The following AFG2A variants were observed in gnomAD, a reference collection of about 807,000 sequenced individuals.
AFG2A encodes ATPase family gene 2 protein homolog A.
At chr4:123,082,431 G>A in the AFG2A span, among the ~76,000 whole-genome samples, 1 of 151,868 alleles carries the variant, frequency 6.6e-6, no homozygotes, top group African/African-American at 2.4e-5. Flanking sequence ...CCAAAGATTA[G>A]CCAGCTGTAT....
At chr4:123,082,847 T>C in the AFG2A span, among the ~76,000 whole-genome samples, 2 of 152,120 alleles carry the variant, frequency 1.3e-5, no homozygotes, top group African/African-American at 2.4e-5. Flanking sequence ...TTTTCTTTCA[T>C]TGGTGTTTGT....
chr4:123,258,359 G>T, the AFG2A span, among the ~76,000 whole-genome samples: 77,631 of 151,712 alleles, frequency 0.51, 24,443 homozygotes, highest in Non-Finnish European at 0.67. Context: ...TTTAGGAGAC[G>T]TTAAGTAATG....
the AFG2A span, among the ~76,000 whole-genome samples, chr4:123,229,714 G>GC: frequency 4.6e-5 from 7 of 151,980 alleles, no homozygotes; most frequent in African/African-American, 1.7e-4. Flanking sequence ...TGGAAATATC[G>GC]CAAGTTTTGA....
At chr4:123,133,688 A>G in the AFG2A span, among the ~76,000 whole-genome samples, 2 of 152,134 alleles carry the variant, frequency 1.3e-5, no homozygotes, top group Non-Finnish European at 2.9e-5. Flanking sequence ...TTAAATGGCT[A>G]TACTAATTTA....
the AFG2A span, among the ~76,000 whole-genome samples, chr4:123,089,818 C>A: frequency 6.6e-6 from 1 of 152,184 alleles, no homozygotes; most frequent in Non-Finnish European, 1.5e-5. Flanking sequence ...GAACTCCTGG[C>A]CTCAAGTGAC....
At chr4:123,160,987 A>G in the AFG2A span, among the ~76,000 whole-genome samples, 1 of 152,126 alleles carries the variant, frequency 6.6e-6, no homozygotes, top group African/African-American at 2.4e-5. Flanking sequence ...ATTGTACTAT[A>G]CTCACCGATT....
the AFG2A span, among the ~76,000 whole-genome samples, chr4:123,237,736 G>T: frequency 1.3e-5 from 2 of 150,436 alleles, no homozygotes; most frequent in East Asian, 1.9e-4. Context: ...GAACAGCTCT[G>T]GTCTGCAGCT....
the AFG2A span, among the ~76,000 whole-genome samples, chr4:123,159,254 C>T: frequency 6.7e-6 from 1 of 150,252 alleles, no homozygotes; most frequent in Non-Finnish European, 1.5e-5. Flanking sequence ...AGTTTTTAAT[C>T]TGATATTATG....
At chr4:123,081,802 C>A in the AFG2A span, among the ~76,000 whole-genome samples, 1 of 152,154 alleles carries the variant, frequency 6.6e-6, no homozygotes, top group African/African-American at 2.4e-5. Flanking sequence ...CTTCATCAGC[C>A]TTTGGTGTTG....
the AFG2A span, among the ~76,000 whole-genome samples, chr4:123,310,294 G>A: frequency 6.6e-6 from 1 of 152,190 alleles, no homozygotes; most frequent in Admixed American, 6.5e-5. Context: ...TGGCCCACAT[G>A]ACTTTGAAAA....
At chr4:123,133,002 G>T in the AFG2A span, among the ~76,000 whole-genome samples, 1 of 152,026 alleles carries the variant, frequency 6.6e-6, no homozygotes, top group African/African-American at 2.4e-5. Context: ...GGATGGTCTC[G>T]ATCTCCTGAC....
chr4:122,961,246 T>C, the AFG2A span, among the ~76,000 whole-genome samples: 12 of 152,216 alleles, frequency 7.9e-5, no homozygotes, highest in South Asian at 4.1e-4. Context: ...CTCTGGAAAA[T>C]TGATATTTAA....
chr4:122,967,340 AG>A, the AFG2A span, among the ~76,000 whole-genome samples: 1 of 152,102 alleles, frequency 6.6e-6, no homozygotes, highest in Non-Finnish European at 1.5e-5. Context: ...TTGAGGCTGC[AG>A]TCAGCTATGA....
the AFG2A span, among the ~76,000 whole-genome samples, chr4:123,026,060 C>G: frequency 6.6e-6 from 1 of 151,734 alleles, no homozygotes; most frequent in South Asian, 2.1e-4. Flanking sequence ...TAAGGATTCT[C>G]AGGGCCCTGT....
At chr4:122,947,381 TG>T in the AFG2A span, 3 of 1,614,122 alleles carry the variant, frequency 1.9e-6, no homozygotes, top group Non-Finnish European at 8.5e-7. Flanking sequence ...CTCCAGAAAC[TG>T]CTTCGAAGGG....
chr4:123,028,582 C>G, the AFG2A span, among the ~76,000 whole-genome samples: 587 of 152,118 alleles, frequency 3.9e-3, 2 homozygotes, highest in Non-Finnish European at 6.8e-3. Context: ...TGCATGTAAT[C>G]AGCAAATCAT....
chr4:122,944,907 A>T, the AFG2A span, among the ~76,000 whole-genome samples: 2 of 152,086 alleles, frequency 1.3e-5, no homozygotes, highest in African/African-American at 2.4e-5. Flanking sequence ...TCCACTCCAG[A>T]CCCTGTTTGC....
chr4:123,251,812 A>G, the AFG2A span, among the ~76,000 whole-genome samples: 1 of 152,128 alleles, frequency 6.6e-6, no homozygotes, highest in African/African-American at 2.4e-5. Context: ...TTGTCTGCAA[A>G]GAATTAAAAC....
chr4:123,050,739 CTT>C, the AFG2A span, among the ~76,000 whole-genome samples: 22 of 140,156 alleles, frequency 1.6e-4, no homozygotes, highest in Admixed American at 2.1e-4. Flanking sequence ...ATAGTTGTGT[CTT>C]TTTTTTTTTT....
Sources: allele counts gnomAD v4.1 joint callset (sites outside exome capture counted in the v4.1 genomes callset), GRCh38; gene constraint gnomAD v4.1.1; transcripts MANE v1.5; gene names NCBI Gene and HGNC (gene_info 2026-07-23, HGNC 2026-07-21).